The following NRG4 variants were observed in gnomAD, a reference collection of about 807,000 sequenced individuals.
NRG4 encodes neuregulin 4, also known as pro-neuregulin-4, membrane-bound isoform.
NRG4 carries 10 observed loss-of-function variants against 15.0 expected under a neutral mutation model. That is an observed-to-expected ratio of 0.67 (90% CI 0.41 to 1.13). The LOEUF (loss-of-function observed/expected upper bound fraction) is 1.13, where lower values mean the gene tolerates loss of function less well. Among genes scored for constraint, NRG4 ranks in the 50% most tolerant of loss-of-function variants. The pLI is 0.00. For synonymous variants in NRG4, 41 were observed against 50.1 expected (o/e 0.82, Z 0.77); for missense variants, 139 against 140.2 (o/e 0.99, Z 0.04).
At chr15:76,050,618 T>G (rs1596064450) in intron 4 of NRG4, among the ~76,000 whole-genome samples, 1 of 105,214 alleles carries the variant, frequency 9.5e-6, no homozygotes, top group Non-Finnish European at 2.0e-5. Flanking sequence ...TTTTTTTTTT[T>G]GTATTTTAGT....
In NRG4 at chr15:75,943,596, T is replaced by C. The variant is rs753586370; in HGVS notation, c.*42A>G. 1.8e-5 allele frequency: 25 copies of C among 1,365,008 alleles called. No homozygotes were observed. In the Admixed American group the frequency reaches 3.7e-4, roughly 20 times the overall value. 84.6% of individuals were successfully genotyped at this position (1,365,008 alleles called of 1,614,324 possible). A position where few individuals can be genotyped will look rare whatever the true frequency, so the allele number is the denominator to read the frequency against. On this transcript the variant is annotated 3_prime_UTR_variant, in exon 6 of 6. Transcript: ENST00000394907. ...CCTAGTGGTGTTTCATTTTCTGCCT[T>C]TGTAAAATAAAAACAATGATTTGGT...
At chr15:76,005,061 A>G (rs553461325) in intron 3 of NRG4, among the ~76,000 whole-genome samples, 3 of 152,158 alleles carry the variant, frequency 2.0e-5, no homozygotes, top group Non-Finnish European at 4.4e-5. Flanking sequence ...AAACTAGAGA[A>G]AAGAAAATGT....
chr15:75,947,721 GT>G (rs1260775866), intron 5 of NRG4, among the ~76,000 whole-genome samples: 1 of 152,096 alleles, frequency 6.6e-6, no homozygotes, highest in Non-Finnish European at 1.5e-5. Flanking sequence ...TTGCCATATT[GT>G]TTTCTTAAAG....
At chr15:76,041,996 G>T (rs1357794007) in intron 4 of NRG4, among the ~76,000 whole-genome samples, 1 of 151,854 alleles carries the variant, frequency 6.6e-6, no homozygotes, top group Non-Finnish European at 1.5e-5. Flanking sequence ...TGACCACAAT[G>T]GAATAAAACT....
intron 3 of NRG4, among the ~76,000 whole-genome samples, chr15:75,967,681 C>T (rs994664818): frequency 3.9e-5 from 6 of 151,964 alleles, no homozygotes; most frequent in South Asian, 4.2e-4. Flanking sequence ...AGGTGGGTCT[C>T]GAACTCCTGA....
At chr15:76,026,943 A>C (rs1374317710) in intron 5 of NRG4, among the ~76,000 whole-genome samples, 1 of 152,138 alleles carries the variant, frequency 6.6e-6, no homozygotes, top group African/African-American at 2.4e-5. Flanking sequence ...TAACATGGTG[A>C]AACCCCATCT....
At chr15:75,955,838 T>C in intron 5 of NRG4, 94 bp downstream of exon 5, 1 of 728,568 alleles carries the variant, frequency 1.4e-6, no homozygotes, top group Non-Finnish European at 2.2e-6. Flanking sequence ...CTCAACCTTT[T>C]TTTTCTGGAT....
downstream of NRG4, chr15:75,938,591 TAAA>T (rs911220537): frequency 6.6e-6 from 1 of 152,112 alleles, no homozygotes. Flanking sequence ...ATAGGCATTA[TAAA>T]AAAATTCTGG....
intron 3 of NRG4, among the ~76,000 whole-genome samples, chr15:75,995,652 T>C (rs111317697): frequency 3.4e-4 from 52 of 152,324 alleles, no homozygotes; most frequent in Non-Finnish European, 6.5e-4. Context: ...GTCTAATACT[T>C]AGAGCTGAAG....
intron 4 of NRG4, among the ~76,000 whole-genome samples, chr15:76,046,318 G>A (rs1202685249): frequency 2.0e-5 from 3 of 150,904 alleles, no homozygotes; most frequent in East Asian, 1.9e-4. Context: ...ATCAAAATGC[G>A]AACGGCGTTC....
chr15:75,978,735 A>C (rs549613401), intron 3 of NRG4, among the ~76,000 whole-genome samples: 21 of 152,276 alleles, frequency 1.4e-4, no homozygotes, highest in African/African-American at 5.1e-4. Context: ...AGTTGTGTTA[A>C]CTGGGGTGAG....
Position 75,949,878 on chromosome 15 carries a change from A to G in NRG4, c.331+6054T>C, listed in dbSNP as rs553215363. Among the ~76,000 whole-genome samples, 13 of 152,324 alleles carry G rather than the reference A, an allele frequency of 8.5e-5. No individual in the cohort carries two copies. The South Asian group carries it at 1.2e-3, about 15-fold the overall frequency. ...GCCTTGGCAGCTTTGTCAAAAATCA[A>G]TTGTGGTCTATCTGGATGCCCAGTA... On this transcript the variant is annotated intron_variant, in intron 5 of 5. Transcript: ENST00000394907.
chr15:75,953,219 C>T (rs1011769024), intron 5 of NRG4, among the ~76,000 whole-genome samples: 2 of 152,138 alleles, frequency 1.3e-5, no homozygotes, highest in Non-Finnish European at 2.9e-5. Flanking sequence ...GGGTTTAAAT[C>T]CATTCTTTTG....
intron 5 of NRG4, among the ~76,000 whole-genome samples, chr15:76,035,489 A>G (rs2035578075): frequency 6.6e-6 from 1 of 152,206 alleles, no homozygotes; most frequent in Non-Finnish European, 1.5e-5. Context: ...GGAAGCCACT[A>G]AGAATATCTG....
At chr15:75,990,524 A>C (rs553118877) in intron 3 of NRG4, among the ~76,000 whole-genome samples, 3 of 152,254 alleles carry the variant, frequency 2.0e-5, no homozygotes, top group African/African-American at 7.2e-5. Flanking sequence ...ATTTTTATAG[A>C]CATTTTAAAG....
chr15:75,944,257 C>T (rs1449926707), intron 5 of NRG4, among the ~76,000 whole-genome samples: 1 of 152,136 alleles, frequency 6.6e-6, no homozygotes, highest in East Asian at 1.9e-4. Flanking sequence ...CCACCTACTC[C>T]ATACAGTTGT....
chr15:76,008,781 G>C (rs1334047952), intron 3 of NRG4, among the ~76,000 whole-genome samples: 4 of 151,838 alleles, frequency 2.6e-5, no homozygotes, highest in African/African-American at 9.7e-5. Context: ...TGTAAGTTTT[G>C]GTGCCAACTC....
intron 4 of NRG4, among the ~76,000 whole-genome samples, chr15:75,958,619 T>C (rs567686474): frequency 6.6e-6 from 1 of 152,140 alleles, no homozygotes; most frequent in Non-Finnish European, 1.5e-5. Context: ...ATTCAGAGAG[T>C]GTGAATTCAG....
intron 3 of NRG4, among the ~76,000 whole-genome samples, 154 bp from the exon 4 acceptor site, chr15:75,962,128 C>T (rs2460796): frequency 2.0e-5 from 3 of 152,116 alleles, no homozygotes; most frequent in Non-Finnish European, 4.4e-5. Flanking sequence ...GCTCACAGAT[C>T]TACAGTTACA....
Sources: allele counts gnomAD v4.1 joint callset (sites outside exome capture counted in the v4.1 genomes callset), GRCh38; gene constraint gnomAD v4.1.1; transcripts MANE v1.5; gene names NCBI Gene and HGNC (gene_info 2026-07-23, HGNC 2026-07-21).